Variants in PAM observed in about 807,000 individuals in gnomAD.
PAM encodes the protein peptidylglycine alpha-amidating monooxygenase, also known as peptidyl-glycine alpha-amidating monooxygenase.
In PAM, 72 loss-of-function variants were observed where a neutral mutation model predicts 122.1. That is an observed-to-expected ratio of 0.59 (90% confidence interval 0.49 to 0.72). The LOEUF (loss-of-function observed/expected upper bound fraction) is 0.72, where lower values mean the gene tolerates loss of function less well. PAM is among the 30% of genes least tolerant of loss of function. PAM has a pLI of 0.00. For synonymous variants in PAM, 389 were observed against 404.4 expected, an observed-to-expected ratio of 0.96 and a Z score of 0.46; for missense variants, 1,106 against 1,183.7, an observed-to-expected ratio of 0.93 and a Z score of 0.96.
intron 12 of PAM, among the ~76,000 whole-genome samples, chr5:102,958,688 G>A (rs769868860): frequency 6.6e-6 from 1 of 152,134 alleles, no homozygotes. Flanking sequence ...CATGGCAGGG[G>A]CTTATTCCTG....
intron 3 of PAM, among the ~76,000 whole-genome samples, chr5:102,878,797 CTATG>C (rs1404496069): frequency 1.3e-5 from 2 of 151,618 alleles, no homozygotes; most frequent in East Asian, 1.9e-4. Context: ...TCTTTATACA[CTATG>C]TAATGTTTGT....
intron 20 of PAM, 119 bp downstream of exon 20, chr5:103,007,776 A>T: frequency 1.5e-6 from 1 of 645,388 alleles, no homozygotes; most frequent in Middle Eastern, 4.3e-4. Flanking sequence ...ACATCTTAAA[A>T]GTATCTTACA....
chr5:103,027,086 TCTCA>T (rs1453998816), intron 24 of PAM, among the ~76,000 whole-genome samples: 1 of 152,130 alleles, frequency 6.6e-6, no homozygotes, highest in African/African-American at 2.4e-5. Flanking sequence ...TAGATCAGCT[TCTCA>T]CTTTTTTTCT....
Position 103,025,348 on chromosome 5 carries a change from G to T in PAM, c.2689+14G>T. ...GGGCCTTTGGAGGCAAGTAAAATGA[G>T]CCCCGTGAACTTGGAACCTGCCTTT... is the stretch of plus-strand genomic sequence containing the variant. On this transcript the variant is annotated intron_variant, in intron 24 of 25. Coordinates refer to ENST00000438793, the MANE Select transcript of PAM (RefSeq NM_001177306.2). The T allele has an allele frequency of 6.2e-7, 1 of 1,606,986 alleles. No homozygotes were observed. The highest frequency in any genetic ancestry group is 8.5e-7 in the Non-Finnish European group (1 of 1,173,686).
intron 3 of PAM, among the ~76,000 whole-genome samples, chr5:102,881,447 A>G (rs373705269): frequency 1.3e-5 from 2 of 152,034 alleles, no homozygotes; most frequent in African/African-American, 2.4e-5. Context: ...ATGGGAATAC[A>G]TGGGACAGTT....
intron 1 of PAM, among the ~76,000 whole-genome samples, chr5:102,830,449 G>A (rs1775091467): frequency 6.6e-6 from 1 of 152,134 alleles, no homozygotes; most frequent in South Asian, 2.1e-4. Context: ...CTTCATCATT[G>A]TTTATTGAGC....
rs956998454 is a variant in PAM at position 102,865,841 on chromosome 5, C to G, written c.-355C>G. The G allele has an allele frequency of 8.3e-6, 2 of 242,418 alleles. No homozygotes were observed. Among genetic ancestry groups the G allele is most frequent in the South Asian group, 1.2e-4 (1 of 8,242 alleles). The allele number at this position is 242,418 out of a possible 1,614,324, so 15.0% of individuals were successfully genotyped here. On this transcript the variant is annotated 5_prime_UTR_variant, in exon 2 of 26. Transcript: ENST00000438793. ...TTTGCAGGTTCTGAATGATGACTGA[C>G]GCGGGTTTGGGTGATACCCCTCACA...
intron 1 of PAM, among the ~76,000 whole-genome samples, chr5:102,756,977 A>G (rs2149619183): frequency 6.6e-6 from 1 of 152,336 alleles, no homozygotes; most frequent in Non-Finnish European, 1.5e-5. Flanking sequence ...ACAGTCTTCT[A>G]ATGACTATAC....
At chr5:102,799,663 A>G (rs1275894312) in intron 1 of PAM, among the ~76,000 whole-genome samples, 1 of 152,180 alleles carries the variant, frequency 6.6e-6, no homozygotes, top group Non-Finnish European at 1.5e-5. Context: ...AGAAATCTTT[A>G]TCATTTATAA....
At chr5:102,789,144 GATA>G (rs1761375270) in intron 1 of PAM, among the ~76,000 whole-genome samples, 1 of 152,108 alleles carries the variant, frequency 6.6e-6, no homozygotes, top group Non-Finnish European at 1.5e-5. Flanking sequence ...TGTGGTGAAA[GATA>G]ATGAAATAGA....
Position 102,866,245 on chromosome 5 carries a change from G to T in PAM, c.50G>T (p.Ser17Ile). ...CTAGTTCTCCTTGTTTTTCCAAGCA[G>T]CTGTTTGGCTTTCCGAAGCCCACTT... ...SLLVLLVFPS[S>I]CLAFRSPLSV... The change falls in exon 2 of 26, where the codon AGC (serine) becomes ATC (isoleucine). Residue 17 changes from serine to isoleucine, a missense_variant. Ser to Ile is a moderately radical substitution (Grantham distance 142). Transcript: ENST00000438793. 6.2e-7 allele frequency: 1 copy of T among 1,613,882 alleles called. No homozygotes were observed. The highest frequency in any genetic ancestry group is 8.5e-7 in the Non-Finnish European group (1 of 1,179,856).
intron 3 of PAM, among the ~76,000 whole-genome samples, chr5:102,888,175 T>A (rs1433152599): frequency 6.6e-6 from 1 of 152,060 alleles, no homozygotes; most frequent in Non-Finnish European, 1.5e-5. Context: ...TCAATATGTA[T>A]TTCAGGGATA....
chr5:102,823,419 G>A (rs1269280197), intron 1 of PAM, among the ~76,000 whole-genome samples: 1 of 151,766 alleles, frequency 6.6e-6, no homozygotes, highest in Non-Finnish European at 1.5e-5. Flanking sequence ...AAAAATCAAA[G>A]CCTAAAAGTT....
chr5:102,942,515 T>G (rs1408182385), intron 7 of PAM, among the ~76,000 whole-genome samples: 1 of 152,048 alleles, frequency 6.6e-6, no homozygotes, highest in African/African-American at 2.4e-5. Flanking sequence ...GCCTTTAAAT[T>G]AGTTCAGAAC....
intron 3 of PAM, among the ~76,000 whole-genome samples, chr5:102,885,986 G>A (rs1444687749): frequency 6.6e-6 from 1 of 152,114 alleles, no homozygotes; most frequent in Non-Finnish European, 1.5e-5. Flanking sequence ...AGGTTCTTTG[G>A]AAGACCTTGT....
At chr5:102,936,774 T>G (rs568644602) in intron 7 of PAM, among the ~76,000 whole-genome samples, 2 of 152,222 alleles carry the variant, frequency 1.3e-5, no homozygotes, top group African/African-American at 4.8e-5. Context: ...AGCCAATGTA[T>G]TACTAGAATA....
At chr5:102,946,400 A>G (rs1382558329) in intron 7 of PAM, among the ~76,000 whole-genome samples, 1 of 151,994 alleles carries the variant, frequency 6.6e-6, no homozygotes, top group African/African-American at 2.4e-5. Context: ...AGCAATGCCT[A>G]AAGTGTATGA....
chr5:102,944,159 A>T (rs1264903974), intron 7 of PAM, among the ~76,000 whole-genome samples: 3 of 152,210 alleles, frequency 2.0e-5, no homozygotes, highest in African/African-American at 7.2e-5. Context: ...TTATAATGGA[A>T]TAGTGACATA....
rs1160915170 is a variant in PAM, at chr5:102,808,140, C to T, written c.-374+52792C>T. On this transcript the variant is annotated intron_variant, in intron 1 of 25. Transcript: ENST00000438793. ...GTATGCATACAGGGGTTGTTCAGAT[C>T]ATCTACGTGGGGATGATTCACCCCA... 2.0e-5 allele frequency: 3 copies of T among 152,174 alleles called. No homozygotes were observed. The East Asian group carries it at 5.8e-4, about 29-fold the overall frequency. The allele number at this position is 152,174 out of a possible 1,614,324, so 9.4% of individuals were successfully genotyped here.
Sources: allele counts gnomAD v4.1 joint callset (sites outside exome capture counted in the v4.1 genomes callset), GRCh38; gene constraint gnomAD v4.1.1; transcripts MANE v1.5; gene names NCBI Gene and HGNC (gene_info 2026-07-23, HGNC 2026-07-21).